The following ST3GAL3 variants were observed in gnomAD, a reference collection of about 807,000 sequenced individuals.
ST3GAL3 encodes the protein CMP-N-acetylneuraminate-beta-1,4-galactoside alpha-2,3-sialyltransferase.
A neutral mutation model predicts 50.1 loss-of-function variants in ST3GAL3; 21 were observed. The observed-to-expected ratio is 0.42, with a 90% confidence interval of 0.30 to 0.60. The LOEUF is 0.60. ST3GAL3 is among the 20% of genes least tolerant of loss of function. The pLI, the probability that ST3GAL3 is intolerant of heterozygous loss-of-function variation, is 0.19. For synonymous variants in ST3GAL3, 183 were observed against 190.0 expected, an observed-to-expected ratio of 0.96 and a Z score of 0.30; for missense variants, 353 against 489.4, an observed-to-expected ratio of 0.72 and a Z score of 2.63.
At chr1:43,784,496 G>A (rs1265867983) in intron 2 of ST3GAL3, among the ~76,000 whole-genome samples, 4 of 152,132 alleles carry the variant, frequency 2.6e-5, no homozygotes, top group African/African-American at 7.2e-5. Flanking sequence ...GTGACAGAGC[G>A]AGACTCTGTC....
chr1:43,772,262 G>A lies in ST3GAL3; in HGVS notation c.119-19840G>A, dbSNP rs1695550706. 1.9e-5 allele frequency: 7 copies of A among 360,058 alleles called. No individual in the cohort carries two copies. The South Asian group carries it at 7.5e-4, about 39-fold the overall frequency. 22.3% of individuals were successfully genotyped at this position (360,058 alleles called of 1,614,324 possible). The stretch of plus-strand genomic sequence containing the variant: ...GGGGTTTCTCCATGTTGGTCAGGCT[G>A]GTCTTGAATTCCTGACCTGAGGTGA... On this transcript the variant is annotated intron_variant, in intron 2 of 11. Transcript: ENST00000347631.
chr1:43,782,901 G>A (rs981582558), intron 2 of ST3GAL3, among the ~76,000 whole-genome samples: 11 of 151,994 alleles, frequency 7.2e-5, no homozygotes, highest in Admixed American at 4.6e-4. Context: ...GTCCCTTTTA[G>A]CATAAAAATT....
At chr1:43,893,651 T>C (rs1011419114) in intron 5 of ST3GAL3, among the ~76,000 whole-genome samples, 5 of 152,002 alleles carry the variant, frequency 3.3e-5, no homozygotes, top group African/African-American at 1.2e-4. Flanking sequence ...TCACCCTCCT[T>C]CTCTCGCCTT....
intron 2 of ST3GAL3, 39 bp downstream of exon 2, chr1:43,736,419 G>A (rs766784665): frequency 9.9e-6 from 16 of 1,614,018 alleles, no homozygotes; most frequent in Non-Finnish European, 5.9e-6. Flanking sequence ...GGAGAAGCCT[G>A]TTGCAGGTCA....
chr1:43,921,358 A>G, intron 11 of ST3GAL3: 1 of 456,590 alleles, frequency 2.2e-6, no homozygotes, highest in South Asian at 6.5e-5. Flanking sequence ...CATACCCCGA[A>G]TTGCTTCCCA....
At chr1:43,731,608 A>T (rs1675908190) in intron 1 of ST3GAL3, among the ~76,000 whole-genome samples, 1 of 147,032 alleles carries the variant, frequency 6.8e-6, no homozygotes, top group Admixed American at 6.9e-5. Flanking sequence ...TGTGTTAGCC[A>T]GGATGGTCTC....
chr1:43,714,433 A>G (rs1666336259), intron 1 of ST3GAL3, among the ~76,000 whole-genome samples: 1 of 62,966 alleles, frequency 1.6e-5, no homozygotes, highest in African/African-American at 4.0e-5. Context: ...ACTAAAATAC[A>G]AAAAAAAAAA....
chr1:43,846,171 T>C (rs992103211), intron 5 of ST3GAL3, among the ~76,000 whole-genome samples: 3 of 152,244 alleles, frequency 2.0e-5, no homozygotes, highest in Non-Finnish European at 4.4e-5. Context: ...TCTAGTTTCC[T>C]GTATCCTTAC....
At chr1:43,820,324 AT>A (rs1168130050) in intron 4 of ST3GAL3, among the ~76,000 whole-genome samples, 3 of 152,236 alleles carry the variant, frequency 2.0e-5, no homozygotes, top group African/African-American at 7.2e-5. Context: ...AAAGATTTAA[AT>A]GTAAGACCTC....
intron 5 of ST3GAL3, among the ~76,000 whole-genome samples, chr1:43,882,959 A>G (rs1028333578): frequency 4.6e-5 from 2 of 43,646 alleles, no homozygotes; most frequent in East Asian, 1.4e-3. Context: ...TTATTTATTT[A>G]TTTATTTATT....
chr1:43,763,763 G>A (rs998198856), intron 2 of ST3GAL3, among the ~76,000 whole-genome samples: 1 of 152,188 alleles, frequency 6.6e-6, no homozygotes, highest in Non-Finnish European at 1.5e-5. Flanking sequence ...AGCCATCAGA[G>A]GAGGCAATGG....
At chr1:43,908,712 C>T (rs1197391232) in intron 9 of ST3GAL3, among the ~76,000 whole-genome samples, 2 of 151,832 alleles carry the variant, frequency 1.3e-5, no homozygotes, top group Admixed American at 6.6e-5. Context: ...CTGAAACCTC[C>T]GCCACCCCCT....
At chr1:43,802,024 C>G (rs2059381013) in intron 3 of ST3GAL3, among the ~76,000 whole-genome samples, 1 of 147,446 alleles carries the variant, frequency 6.8e-6, no homozygotes, top group African/African-American at 2.5e-5. Context: ...ACAAACAAAC[C>G]AAAAAGAACT....
chr1:43,818,037 A>G (rs982692473), intron 4 of ST3GAL3, among the ~76,000 whole-genome samples: 7 of 151,990 alleles, frequency 4.6e-5, no homozygotes, highest in Admixed American at 4.6e-4. Flanking sequence ...ATCTGGCCTC[A>G]TTTAGATTCT....
intron 9 of ST3GAL3, among the ~76,000 whole-genome samples, chr1:43,911,689 G>A (rs958572395): frequency 2.0e-5 from 3 of 147,394 alleles, no homozygotes; most frequent in Non-Finnish European, 4.5e-5. Context: ...ATATAGATAT[G>A]GATTTTTTTT....
At chr1:43,870,524 T>C (rs1166272833) in intron 5 of ST3GAL3, among the ~76,000 whole-genome samples, 1 of 151,960 alleles carries the variant, frequency 6.6e-6, no homozygotes, top group African/African-American at 2.4e-5. Context: ...ACTGGTCTGG[T>C]GTCAGGACAC....
intron 5 of ST3GAL3, among the ~76,000 whole-genome samples, chr1:43,847,005 C>T (rs1209689405): frequency 6.6e-6 from 1 of 152,088 alleles, no homozygotes; most frequent in Non-Finnish European, 1.5e-5. Flanking sequence ...AGACACTTCT[C>T]CAAAGAAGAT....
intron 4 of ST3GAL3, among the ~76,000 whole-genome samples, chr1:43,832,611 C>G (rs376471936): frequency 1.1e-4 from 17 of 152,142 alleles, no homozygotes; most frequent in African/African-American, 3.4e-4. Flanking sequence ...AGTAACAGGT[C>G]AGACAGGTGG....
intron 4 of ST3GAL3, among the ~76,000 whole-genome samples, chr1:43,826,113 A>AT (rs1558474798): frequency 1.3e-5 from 2 of 151,988 alleles, no homozygotes; most frequent in Non-Finnish European, 2.9e-5. Flanking sequence ...AAAAAAAAAA[A>AT]CAAAATTAGC....
Sources: gnomAD v4.1 joint callset for allele counts (sites outside exome capture counted in the v4.1 genomes callset) on GRCh38, gnomAD v4.1.1 for gene constraint, MANE v1.5 for transcripts, NCBI Gene and HGNC (gene_info 2026-07-23, HGNC 2026-07-21) for gene names.